Variants in ABCC11 observed in about 807,000 individuals in gnomAD.
The protein encoded by ABCC11 is ATP binding cassette subfamily C member 11.
ABCC11 carries 135 observed loss-of-function variants against 149.3 expected under a neutral mutation model. That is an observed-to-expected ratio of 0.90 (90% confidence interval 0.79 to 1.04). ABCC11 has a LOEUF of 1.04. Among genes scored for constraint, ABCC11 ranks in the 50% least tolerant of loss-of-function variants. ABCC11 has a pLI of 0.00. For synonymous variants in ABCC11, 665 were observed against 671.4 expected, an observed-to-expected ratio of 0.99 and a Z score of 0.15; for missense variants, 1,680 against 1,722.1, an observed-to-expected ratio of 0.98 and a Z score of 0.43.
rs1331094402 is a variant in ABCC11, at chr16:48,244,628, C to T, written c.-19+2686G>A. On this transcript the variant is annotated intron_variant, in intron 1 of 29. Coordinates refer to ENST00000356608, the MANE Select transcript of ABCC11 (RefSeq NM_001370497.1). ...ACCTGCCGCCGCTGCACAGGTAGGCCTGGCTGCCCCCGCGGCGGCGGCGGG... is the reference window on the plus strand; with the variant it reads ...ACCTGCCGCCGCTGCACAGGTAGGCTTGGCTGCCCCCGCGGCGGCGGCGGG... 4 of 1,361,594 alleles carry T rather than the reference C, an allele frequency of 2.9e-6. No homozygotes were observed. The African/African-American group carries it at 4.6e-5, about 16-fold the overall frequency. 84.3% of individuals were successfully genotyped at this position (1,361,594 alleles called of 1,614,324 possible). A position where few individuals can be genotyped will look rare whatever the true frequency, so the allele number is the denominator to read the frequency against.
intron 3 of ABCC11, among the ~76,000 whole-genome samples, chr16:48,228,227 A>G (rs981196494): frequency 6.6e-6 from 1 of 151,440 alleles, no homozygotes; most frequent in Admixed American, 6.6e-5. Context: ...TTTTTTTTCA[A>G]TAAGGTTTGT....
At chr16:48,243,274 G>A (rs1165196505) in intron 1 of ABCC11, among the ~76,000 whole-genome samples, 2 of 151,706 alleles carry the variant, frequency 1.3e-5, no homozygotes, top group Non-Finnish European at 2.9e-5. Context: ...GGTTGCGGGT[G>A]CCTGTAGTCC....
At chr16:48,194,130 G>A (rs961069859) in intron 18 of ABCC11, 148 bp from the exon 19 acceptor site, 2 of 572,874 alleles carry the variant, frequency 3.5e-6, no homozygotes, top group African/African-American at 3.8e-5. Context: ...GGGAAGAGCT[G>A]GGTTCCAAAG....
intron 7 of ABCC11, 34 bp downstream of exon 7, chr16:48,216,080 C>T: frequency 6.2e-7 from 1 of 1,604,604 alleles, no homozygotes; most frequent in Non-Finnish European, 8.5e-7. Flanking sequence ...CTTCTGGGGC[C>T]CAGCATCAAA....
In ABCC11 at chr16:48,167,231, C is replaced by A. The variant is rs1453258828; in HGVS notation, c.*43G>T. 1.3e-6 allele frequency: 1 copy of A among 782,088 alleles called. No homozygotes were observed. Among genetic ancestry groups the A allele is most frequent in the Non-Finnish European group, 2.4e-6 (1 of 420,964 alleles). The allele number at this position is 782,088 out of a possible 1,614,324, so 48.4% of individuals were successfully genotyped here. A position where few individuals can be genotyped will look rare whatever the true frequency, so the allele number is the denominator to read the frequency against. ...GCCTCGAAGCTGCACCTGTGTGAACCTCTGAGCTCAGCTGCCAGCCTCCAT... is the reference window on the plus strand; with the variant it reads ...GCCTCGAAGCTGCACCTGTGTGAACATCTGAGCTCAGCTGCCAGCCTCCAT... On this transcript the variant is annotated 3_prime_UTR_variant, in exon 30 of 30. Coordinates refer to ENST00000356608, the MANE Select transcript of ABCC11 (RefSeq NM_001370497.1).
chr16:48,229,808 T>C (rs8051852), intron 3 of ABCC11, among the ~76,000 whole-genome samples: 19,903 of 152,140 alleles, frequency 0.13, 1,621 homozygotes, highest in African/African-American at 0.23. Flanking sequence ...TCTGATCCGC[T>C]TGCCTCTGCA....
intron 1 of ABCC11, among the ~76,000 whole-genome samples, chr16:48,245,238 C>T (rs917551442): frequency 3.3e-5 from 5 of 152,106 alleles, no homozygotes; most frequent in East Asian, 1.9e-4. Context: ...TTCGCTGGTC[C>T]CCCTTTCTGG....
chr16:48,171,369 T>C (rs1007277286), intron 26 of ABCC11, among the ~76,000 whole-genome samples: 3 of 152,112 alleles, frequency 2.0e-5, no homozygotes, highest in Non-Finnish European at 2.9e-5. Context: ...TGCGGAGAGA[T>C]TGCAACCATC....
rs2150904039 is a variant in ABCC11 at position 48,225,324 on chromosome 16, T to C, written c.396-895A>G. Among the ~76,000 whole-genome samples, 3 of 152,380 alleles carry C rather than the reference T, an allele frequency of 2.0e-5. No individual in the cohort carries two copies. The South Asian group carries it at 6.2e-4, about 32-fold the overall frequency. On this transcript the variant is annotated intron_variant, in intron 4 of 29. Transcript: ENST00000356608. ...TTATTTAAACATGTCTTTATAGAGT[T>C]AGTTTCTCTGAATCAAGATCCAAAC...
At chr16:48,244,201 A>G (rs1478827796) in intron 1 of ABCC11, 7 of 512,062 alleles carry the variant, frequency 1.4e-5, no homozygotes, top group South Asian at 2.8e-5. Flanking sequence ...AGGACGCTCA[A>G]GTCTTACCGG....
chr16:48,204,905 G>A (rs763877335), intron 13 of ABCC11, among the ~76,000 whole-genome samples: 7 of 152,162 alleles, frequency 4.6e-5, no homozygotes, highest in Non-Finnish European at 8.8e-5. Context: ...GGAGGGATAT[G>A]GACAAGACTT....
intron 17 of ABCC11, among the ~76,000 whole-genome samples, chr16:48,197,016 G>A (rs1374379628): frequency 6.8e-6 from 1 of 146,898 alleles, no homozygotes; most frequent in African/African-American, 2.5e-5. Context: ...TTTTTGAGTA[G>A]GTTTTCTTCA....
Position 48,224,190 on chromosome 16 carries a change from A to G in ABCC11, c.543+92T>C, listed in dbSNP as rs1969924469. On this transcript the variant is annotated intron_variant, in intron 5 of 29. Transcript: ENST00000356608. ...GCAACTGAAAGACAAATGCATCTCT[A>G]ACTCCTGGCATGGACTTGAACATGC... is the stretch of plus-strand genomic sequence containing the variant. 2.1e-6 allele frequency: 3 copies of G among 1,451,722 alleles called. No homozygotes were observed. In the African/African-American group the frequency reaches 4.3e-5, roughly 21 times the overall value. The allele number at this position is 1,451,722 out of a possible 1,614,324, so 89.9% of individuals were successfully genotyped here.
chr16:48,244,577 G>A (rs183194774), intron 1 of ABCC11: 352 of 1,502,906 alleles, frequency 2.3e-4, no homozygotes, highest in Middle Eastern at 5.9e-4. Flanking sequence ...TCCCCAACAC[G>A]CCTGACCCCG....
intron 3 of ABCC11, among the ~76,000 whole-genome samples, chr16:48,229,166 T>C (rs756208678): frequency 9.9e-5 from 15 of 152,074 alleles, no homozygotes; most frequent in Non-Finnish European, 1.6e-4. Context: ...GATTGTACCA[T>C]TTGTGATCAC....
intron 17 of ABCC11, among the ~76,000 whole-genome samples, chr16:48,196,799 G>A (rs1967460371): frequency 6.6e-6 from 1 of 152,204 alleles, no homozygotes; most frequent in African/African-American, 2.4e-5. Context: ...GTGGACTCTT[G>A]GCCTTGAGCT....
intron 15 of ABCC11, 117 bp downstream of exon 15, chr16:48,200,159 A>C (rs1967819658): frequency 1.8e-6 from 2 of 1,127,908 alleles, no homozygotes; most frequent in Admixed American, 4.4e-5. Context: ...GGAGGAGTCT[A>C]ACCTGAGATG....
At chr16:48,219,942 T>C (rs1202109743) in intron 6 of ABCC11, among the ~76,000 whole-genome samples, 2 of 152,182 alleles carry the variant, frequency 1.3e-5, no homozygotes, top group African/African-American at 4.8e-5. Flanking sequence ...GGTTGCACTA[T>C]TGCATTCCAG....
At chr16:48,178,827 G>T (rs1966254589) in intron 23 of ABCC11, 141 bp from the exon 24 acceptor site, 12 of 731,274 alleles carry the variant, frequency 1.6e-5, no homozygotes, top group Non-Finnish European at 2.5e-5. Context: ...GAATGGAGCA[G>T]AGGCCCCTGG....
Sources: allele counts gnomAD v4.1 joint callset (sites outside exome capture counted in the v4.1 genomes callset), GRCh38; gene constraint gnomAD v4.1.1; transcripts MANE v1.5; gene names NCBI Gene and HGNC (gene_info 2026-07-23, HGNC 2026-07-21).